SVIL: variants seen among roughly 807,000 people sequenced by gnomAD.
The protein encoded by SVIL is supervillin, also known as archvillin.
SVIL carries 101 observed loss-of-function variants against 240.4 expected under a neutral mutation model. The ratio of observed to expected loss-of-function variants is 0.42; its 90% confidence interval spans 0.36 to 0.50. The LOEUF (loss-of-function observed/expected upper bound fraction) is 0.50, where lower values mean the gene tolerates loss of function less well. SVIL is among the 20% of genes least tolerant of loss of function. SVIL has a pLI of 0.01. For synonymous variants in SVIL, 999 were observed against 1,100.0 expected (o/e 0.91, Z 1.82); for missense variants, 2,512 against 2,818.7 (o/e 0.89, Z 2.46).
Position 29,470,502 on chromosome 10 carries a change from G to T in SVIL, c.5636-19C>A. The stretch of plus-strand genomic sequence containing the variant: ...CACTCACCTGCAGGGGGCACCGGCG[G>T]CGCGGAGGAGTTAGCACGTGAGCGA... On this transcript the variant is annotated intron_variant, in intron 31 of 37. Transcript: ENST00000355867. 1.2e-6 allele frequency: 2 copies of T among 1,613,612 alleles called. No individual in the cohort carries two copies. The highest frequency in any genetic ancestry group is 1.7e-6 in the Non-Finnish European group (2 of 1,179,982).
intron 32 of SVIL, among the ~76,000 whole-genome samples, chr10:29,468,713 C>G (rs1004421609): frequency 3.3e-5 from 5 of 151,758 alleles, no homozygotes; most frequent in South Asian, 2.1e-4. Flanking sequence ...GATCAGTTCA[C>G]CGTCTCTTCT....
intron 7 of SVIL, among the ~76,000 whole-genome samples, 168 bp from the exon 8 acceptor site, chr10:29,533,626 G>A (rs768657290): frequency 3.4e-4 from 51 of 152,184 alleles, no homozygotes; most frequent in Non-Finnish European, 6.8e-4. Flanking sequence ...ATGATCCTGA[G>A]TTGAGTTTCC....
chr10:29,715,489 T>C (rs1963561896), intron 1 of SVIL, among the ~76,000 whole-genome samples: 1 of 152,198 alleles, frequency 6.6e-6, no homozygotes, highest in Admixed American at 6.5e-5. Flanking sequence ...TCAAGCCAGA[T>C]TGCTCTTGAG....
intron 1 of SVIL, among the ~76,000 whole-genome samples, chr10:29,574,781 G>A (rs1192297766): frequency 6.6e-6 from 1 of 152,206 alleles, no homozygotes; most frequent in Non-Finnish European, 1.5e-5. Context: ...CCACATGGAT[G>A]TCGCTGGTAA....
chr10:29,663,834 C>G (rs2133042696), intron 2 of SVIL, among the ~76,000 whole-genome samples: 1 of 152,354 alleles, frequency 6.6e-6, no homozygotes, highest in South Asian at 2.1e-4. Context: ...CGCTGGTTCT[C>G]CCGGTGAGTG....
At chr10:29,677,837 C>A (rs1051066066) in intron 2 of SVIL, among the ~76,000 whole-genome samples, 5 of 152,178 alleles carry the variant, frequency 3.3e-5, no homozygotes, top group Non-Finnish European at 5.9e-5. Context: ...CTCATTTGTG[C>A]TTGATGCTCC....
chr10:29,487,361 A>G (rs1947506864), intron 23 of SVIL, 62 bp from the exon 24 acceptor site: 4 of 1,579,934 alleles, frequency 2.5e-6, no homozygotes, highest in African/African-American at 1.4e-5. Flanking sequence ...CGCACCCCAT[A>G]TCGGAAGCAT....
chr10:29,604,428 G>A (rs1956940460), intron 1 of SVIL, among the ~76,000 whole-genome samples: 1 of 140,466 alleles, frequency 7.1e-6, no homozygotes. Context: ...TGCCACGTTG[G>A]CCAGGCTGGT....
chr10:29,630,951 C>T (rs1958064515), intron 1 of SVIL, among the ~76,000 whole-genome samples: 1 of 152,108 alleles, frequency 6.6e-6, no homozygotes, highest in Non-Finnish European at 1.5e-5. Context: ...AAGTGAGACC[C>T]AAGCACCTCA....
chr10:29,563,623 T>C (rs867666668), intron 2 of SVIL, among the ~76,000 whole-genome samples: 7 of 152,266 alleles, frequency 4.6e-5, no homozygotes, highest in Middle Eastern at 3.4e-3. Context: ...CAAGCTTGCA[T>C]TAATTACTCA....
chr10:29,724,525 A>C (rs910023560), intron 1 of SVIL, among the ~76,000 whole-genome samples: 1 of 152,142 alleles, frequency 6.6e-6, no homozygotes, highest in Non-Finnish European at 1.5e-5. Context: ...TATGATGGTG[A>C]CTATTTTTTA....
rs1163891904 is a variant in SVIL at position 29,495,397 on chromosome 10, G to A, written c.3665-216C>T. Among the ~76,000 whole-genome samples, 3 of 152,032 alleles carry A rather than the reference G, an allele frequency of 2.0e-5. No individual in the cohort carries two copies. The East Asian group carries it at 5.8e-4, about 29-fold the overall frequency. On this transcript the variant is annotated intron_variant, in intron 18 of 37. Coordinates refer to ENST00000355867, the MANE Select transcript of SVIL (RefSeq NM_021738.3). Reference sequence around the variant, plus strand: ...TTTTATTATTTCCAAGGACTGTAGTGGCTGACAAGCCGATATTCCAAAATG... The same window carrying A: ...TTTTATTATTTCCAAGGACTGTAGTAGCTGACAAGCCGATATTCCAAAATG...
intron 6 of SVIL, among the ~76,000 whole-genome samples, chr10:29,540,426 C>T (rs1952060373): frequency 6.6e-6 from 1 of 152,224 alleles, no homozygotes; most frequent in Non-Finnish European, 1.5e-5. Flanking sequence ...GAATGATAAT[C>T]TCCACAGCAA....
At position 29,499,342 on chromosome 10, in the gene SVIL, G is replaced by A. The variant is rs12359287; in HGVS notation, c.3517-79C>T. ...GACCTCAGCCTGCAGCATTTCATGA[G>A]TGAAAAAAGCAGGTTGACAAAGAGG... On this transcript the variant is annotated intron_variant, in intron 17 of 37. Transcript: ENST00000355867. The A allele has an allele frequency of 1.9e-6, 3 of 1,570,924 alleles. No individual in the cohort carries two copies. In the East Asian group the frequency reaches 6.7e-5, roughly 35 times the overall value.
At chr10:29,626,314 C>G (rs1244514777) in intron 1 of SVIL, among the ~76,000 whole-genome samples, 3 of 152,242 alleles carry the variant, frequency 2.0e-5, no homozygotes, top group Admixed American at 6.5e-5. Flanking sequence ...GGCTGAAGAT[C>G]AAGAGAATCG....
chr10:29,587,134 C>A (rs1956202926), intron 1 of SVIL, among the ~76,000 whole-genome samples: 1 of 152,250 alleles, frequency 6.6e-6, no homozygotes, highest in South Asian at 2.1e-4. Context: ...TGAAGAAAGC[C>A]TCGTACCATT....
At chr10:29,472,687 A>G (rs565023186) in intron 30 of SVIL, among the ~76,000 whole-genome samples, 2 of 152,290 alleles carry the variant, frequency 1.3e-5, no homozygotes, top group South Asian at 4.1e-4. Flanking sequence ...CCCTGGGGTT[A>G]TAAGGCCATG....
chr10:29,537,025 T>C (rs1951793718), intron 6 of SVIL, among the ~76,000 whole-genome samples: 1 of 151,726 alleles, frequency 6.6e-6, no homozygotes, highest in East Asian at 1.9e-4. Flanking sequence ...TTAATTTCCA[T>C]AAGTTTTGCA....
intron 1 of SVIL, among the ~76,000 whole-genome samples, chr10:29,617,374 G>A (rs1032009268): frequency 2.0e-5 from 3 of 151,980 alleles, no homozygotes; most frequent in Non-Finnish European, 4.4e-5. Flanking sequence ...CAAGAGCATC[G>A]TACTTGTATT....
Sources: gnomAD v4.1 joint callset for allele counts (sites outside exome capture counted in the v4.1 genomes callset) on GRCh38, gnomAD v4.1.1 for gene constraint, MANE v1.5 for transcripts, NCBI Gene and HGNC (gene_info 2026-07-23, HGNC 2026-07-21) for gene names.